Variants in ADAMTS3 observed in about 807,000 individuals in gnomAD.
ADAMTS3 encodes the protein A disintegrin and metalloproteinase with thrombospondin motifs 3.
A neutral mutation model predicts 129.0 loss-of-function variants in ADAMTS3; 73 were observed. The ratio of observed to expected loss-of-function variants is 0.57; its 90% CI spans 0.47 to 0.69. The LOEUF (loss-of-function observed/expected upper bound fraction) is 0.69. Among genes scored for constraint, ADAMTS3 ranks in the 30% least tolerant of loss-of-function variants. The probability of loss-of-function intolerance (pLI) is 0.00; values close to 1 mark genes in which losing one functional copy is unlikely to be tolerated. For synonymous variants in ADAMTS3, 477 were observed against 510.8 expected (o/e 0.93, Z 0.89); for missense variants, 1,457 against 1,514.5 (o/e 0.96, Z 0.63).
At chr4:72,300,747 G>A (rs753149230) in intron 17 of ADAMTS3, among the ~76,000 whole-genome samples, 3 of 152,162 alleles carry the variant, frequency 2.0e-5, no homozygotes, top group Non-Finnish European at 4.4e-5. Flanking sequence ...GTCACTTGCT[G>A]TAGTGGAAGT....
chr4:72,536,109 C>T (rs1009922869), intron 3 of ADAMTS3, among the ~76,000 whole-genome samples: 1 of 152,098 alleles, frequency 6.6e-6, no homozygotes, highest in African/African-American at 2.4e-5. Context: ...ACCTCATTAT[C>T]GTAATGACAA....
In ADAMTS3 at chr4:72,561,415, G is replaced by A. The variant is rs574707649; in HGVS notation, c.97+5959C>T. 7.9e-5 allele frequency among the ~76,000 whole-genome samples: 12 copies of A among 152,192 alleles called. No homozygotes were observed. The South Asian group carries it at 2.5e-3, about 32-fold the overall frequency. On this transcript the variant is annotated intron_variant, in intron 2 of 21. Coordinates refer to ENST00000286657, the MANE Select transcript of ADAMTS3 (RefSeq NM_014243.3). ...AGCTACTCGGGAGGCTGAGGCAGGA[G>A]GATCGCCTGAGCTGGGGAGATCAAG...
intron 3 of ADAMTS3, among the ~76,000 whole-genome samples, chr4:72,455,715 G>A (rs892308550): frequency 2.8e-5 from 4 of 144,344 alleles, no homozygotes; most frequent in Admixed American, 7.2e-5. Context: ...GATATCTGTC[G>A]GCTTTATCAA....
chr4:72,524,112 G>C (rs1298405325), intron 3 of ADAMTS3, among the ~76,000 whole-genome samples: 3 of 152,036 alleles, frequency 2.0e-5, no homozygotes, highest in African/African-American at 4.8e-5. Context: ...AGCTTCCTTT[G>C]TTCTGATCCC....
At chr4:72,352,722 C>T (rs1207388002) in intron 4 of ADAMTS3, among the ~76,000 whole-genome samples, 1 of 152,096 alleles carries the variant, frequency 6.6e-6, no homozygotes, top group East Asian at 1.9e-4. Context: ...GAGGAGGTGA[C>T]ATCTGAAATG....
chr4:72,321,650 T>A (rs1293965404), intron 6 of ADAMTS3, among the ~76,000 whole-genome samples: 1 of 152,188 alleles, frequency 6.6e-6, no homozygotes, highest in Non-Finnish European at 1.5e-5. Context: ...TTTTTGTTTA[T>A]TTTTTACGAT....
chr4:72,514,416 GA>G (rs1479453983), intron 3 of ADAMTS3, among the ~76,000 whole-genome samples: 3 of 152,092 alleles, frequency 2.0e-5, no homozygotes, highest in African/African-American at 7.2e-5. Context: ...ATAAAACCAT[GA>G]AAAACAAACA....
At chr4:72,357,794 T>C (rs552198398) in intron 4 of ADAMTS3, among the ~76,000 whole-genome samples, 55 of 152,102 alleles carry the variant, frequency 3.6e-4, no homozygotes, top group Non-Finnish European at 4.9e-4. Flanking sequence ...AATTTTACTG[T>C]AGGAATACTA....
At chr4:72,339,249 T>C (rs1486818438) in intron 5 of ADAMTS3, among the ~76,000 whole-genome samples, 1 of 152,212 alleles carries the variant, frequency 6.6e-6, no homozygotes, top group Non-Finnish European at 1.5e-5. Context: ...CTTTTTAAAT[T>C]TATGATTCCC....
chr4:72,443,256 C>T (rs1464652135), intron 3 of ADAMTS3, among the ~76,000 whole-genome samples: 5 of 151,702 alleles, frequency 3.3e-5, no homozygotes, highest in Non-Finnish European at 5.9e-5. Context: ...GTCCCTCAAA[C>T]TTCCATTACA....
intron 3 of ADAMTS3, among the ~76,000 whole-genome samples, chr4:72,435,271 A>AT (rs1296728070): frequency 2.6e-5 from 4 of 151,758 alleles, no homozygotes; most frequent in African/African-American, 7.3e-5. Flanking sequence ...GGCAACTCAA[A>AT]TTTTTTGCTG....
In ADAMTS3 at chr4:72,530,845, T is replaced by C. The variant is rs1445222073; in HGVS notation, c.504+17633A>G. 4.0e-5 allele frequency among the ~76,000 whole-genome samples: 5 copies of C among 125,972 alleles called. No individual in the cohort carries two copies. In the East Asian group the frequency reaches 1.0e-3, roughly 26 times the overall value. The allele number at this position is 125,972 out of a possible 152,430, so 82.6% of individuals were successfully genotyped here. Reference sequence around the variant, plus strand: ...TATATAGATTATATATAATATATAATATATAATATTTTATATGATATATAT... The same window carrying C: ...TATATAGATTATATATAATATATAACATATAATATTTTATATGATATATAT... On this transcript the variant is annotated intron_variant, in intron 3 of 21. Coordinates refer to ENST00000286657, the MANE Select transcript of ADAMTS3 (RefSeq NM_014243.3).
At chr4:72,367,437 T>C (rs1720895956) in intron 4 of ADAMTS3, among the ~76,000 whole-genome samples, 2 of 152,094 alleles carry the variant, frequency 1.3e-5, no homozygotes, top group Admixed American at 1.3e-4. Context: ...TTGTGTATTA[T>C]AAAAAGCACC....
intron 5 of ADAMTS3, among the ~76,000 whole-genome samples, chr4:72,327,130 T>C (rs1719719332): frequency 6.6e-6 from 1 of 152,196 alleles, no homozygotes; most frequent in African/African-American, 2.4e-5. Flanking sequence ...AATCATTATT[T>C]AGACTTTTTA....
At chr4:72,304,104 C>T in intron 16 of ADAMTS3, 24 bp from the exon 17 acceptor site, 1 of 1,606,190 alleles carries the variant, frequency 6.2e-7, no homozygotes, top group Non-Finnish European at 8.5e-7. Flanking sequence ...AATGAGTAAC[C>T]AGCATACATT....
intron 4 of ADAMTS3, among the ~76,000 whole-genome samples, chr4:72,400,270 A>G (rs1484169834): frequency 6.8e-6 from 1 of 148,110 alleles, no homozygotes; most frequent in African/African-American, 2.5e-5. Flanking sequence ...GTGTGTATAT[A>G]TGCACACATG....
intron 3 of ADAMTS3, among the ~76,000 whole-genome samples, chr4:72,529,227 G>A (rs1008554002): frequency 4.6e-5 from 7 of 152,172 alleles, no homozygotes; most frequent in Non-Finnish European, 8.8e-5. Flanking sequence ...AGTAAACGAA[G>A]TAAGGAGTTG....
At chr4:72,381,705 G>C (rs1169502723) in intron 4 of ADAMTS3, among the ~76,000 whole-genome samples, 1 of 151,990 alleles carries the variant, frequency 6.6e-6, no homozygotes, top group African/African-American at 2.4e-5. Context: ...TTCAAGAATG[G>C]AGTTATAAAA....
At chr4:72,496,871 T>C (rs530189812) in intron 3 of ADAMTS3, among the ~76,000 whole-genome samples, 9 of 152,136 alleles carry the variant, frequency 5.9e-5, no homozygotes, top group South Asian at 2.1e-4. Flanking sequence ...AACTGACTTA[T>C]AAAAATAAAC....
Sources: gnomAD v4.1 joint callset for allele counts (sites outside exome capture counted in the v4.1 genomes callset) on GRCh38, gnomAD v4.1.1 for gene constraint, MANE v1.5 for transcripts, NCBI Gene and HGNC (gene_info 2026-07-23, HGNC 2026-07-21) for gene names.